Variants in ALDH2 observed in about 807,000 individuals in gnomAD.
ALDH2 encodes aldehyde dehydrogenase, mitochondrial.
A neutral mutation model predicts 59.6 loss-of-function variants in ALDH2; 44 were observed. The observed-to-expected ratio is 0.74, with a 90% CI of 0.58 to 0.95. The LOEUF (loss-of-function observed/expected upper bound fraction) is 0.95. Ranked by LOEUF, ALDH2 falls within the 40% of genes least tolerant of loss-of-function variation. ALDH2 has a pLI of 0.00. For missense variants in ALDH2, 570 were observed against 696.3 expected (o/e 0.82, Z 2.04); for synonymous variants, 291 against 284.0 (o/e 1.02, Z -0.25).
chr12:111,792,643 A>G lies in ALDH2; in HGVS notation c.944A>G (p.Gln315Arg), dbSNP rs2068370728. The change falls in exon 9 of 13, where the codon CAG (glutamine) becomes CGG (arginine). Residue 315 changes from glutamine to arginine, a missense_variant. Transcript: ENST00000261733. ...GCCCACTTCGCCCTGTTCTTCAACC[A>G]GGGCCAGTGCTGCTGTGCCGGCTCC... is the stretch of plus-strand genomic sequence containing the variant. Reference protein sequence around the residue: ...EQAHFALFFNQGQCCCAGSRT... With the variant: ...EQAHFALFFNRGQCCCAGSRT... 1.9e-6 allele frequency: 3 copies of G among 1,613,062 alleles called. No homozygotes were observed.
intron 12 of ALDH2, among the ~76,000 whole-genome samples, chr12:111,808,027 C>T (rs2068510912): frequency 6.6e-6 from 1 of 151,990 alleles, no homozygotes; most frequent in Non-Finnish European, 1.5e-5. Flanking sequence ...CAGGCGCCTG[C>T]CACCACACCT....
intron 4 of ALDH2, among the ~76,000 whole-genome samples, chr12:111,788,536 A>C (rs1160572859): frequency 1.3e-5 from 2 of 152,180 alleles, no homozygotes; most frequent in Non-Finnish European, 2.9e-5. Flanking sequence ...GCTTTCCTGA[A>C]TTTTGGCATT....
chr12:111,784,048 G>A (rs1379217267), intron 3 of ALDH2, among the ~76,000 whole-genome samples: 1 of 152,190 alleles, frequency 6.6e-6, no homozygotes, highest in African/African-American at 2.4e-5. Flanking sequence ...GATTATACAT[G>A]GCACTCTGCT....
intron 12 of ALDH2, among the ~76,000 whole-genome samples, chr12:111,807,979 C>T (rs1325528199): frequency 6.6e-6 from 1 of 151,616 alleles, no homozygotes; most frequent in Non-Finnish European, 1.5e-5. Flanking sequence ...CGGGCTCAAG[C>T]GATTCTCATG....
chr12:111,808,598 G>A (rs182625224), intron 12 of ALDH2, among the ~76,000 whole-genome samples: 151 of 152,148 alleles, frequency 9.9e-4, no homozygotes, highest in African/African-American at 3.2e-3. Context: ...CCACCTACTC[G>A]GGAGGCTGAG....
intron 1 of ALDH2, among the ~76,000 whole-genome samples, chr12:111,770,395 A>T (rs992604758): frequency 8.5e-5 from 13 of 152,278 alleles, no homozygotes; most frequent in African/African-American, 3.1e-4. Flanking sequence ...GGGGTGAGCT[A>T]GATTGTGGTA....
Position 111,792,140 on chromosome 12 carries a change from ACAT to A in ALDH2, c.882_884del (p.Ile294del). ...TTGGAGCTGGGGGGGAAGAGCCCCAACATCATCATGTCAGATGCCGATAGTGAG... is the reference window on the plus strand; with the variant it reads ...TTGGAGCTGGGGGGGAAGAGCCCCAACATCATGTCAGATGCCGATAGTGAG... On this transcript the variant is annotated inframe_deletion, in exon 8 of 13. Coordinates refer to ENST00000261733, the MANE Select transcript of ALDH2 (RefSeq NM_000690.4). 6.2e-7 allele frequency: 1 copy of A among 1,607,246 alleles called. No homozygotes were observed. Among genetic ancestry groups the A allele is most frequent in the Non-Finnish European group, 8.5e-7 (1 of 1,178,308 alleles).
intron 12 of ALDH2, among the ~76,000 whole-genome samples, chr12:111,807,211 C>T (rs1011506410): frequency 2.0e-5 from 3 of 151,530 alleles, no homozygotes; most frequent in Non-Finnish European, 2.9e-5. Context: ...TGCAGTGAGC[C>T]GAGATGGTGC....
chr12:111,808,503 G>C (rs1593090518), intron 12 of ALDH2, among the ~76,000 whole-genome samples: 1 of 152,000 alleles, frequency 6.6e-6, no homozygotes, highest in African/African-American at 2.4e-5. Flanking sequence ...TCAGGAGTTC[G>C]AGACCAGCCT....
In ALDH2 at chr12:111,783,316, C is replaced by T. The variant is rs942162264; in HGVS notation, c.360+18C>T. 6.3e-7 allele frequency: 1 copy of T among 1,589,296 alleles called. No homozygotes were observed. Among genetic ancestry groups the T allele is most frequent in the Non-Finnish European group, 8.6e-7 (1 of 1,163,688 alleles). ...ACCTGGCGGTGAGTCCTCAGCCCTT[C>T]TCCCCCTCAGATCCCATGTGGTGAA... On this transcript the variant is annotated intron_variant, in intron 3 of 12. Coordinates refer to ENST00000261733, the MANE Select transcript of ALDH2 (RefSeq NM_000690.4).
chr12:111,773,094 T>G (rs972982676), intron 1 of ALDH2, among the ~76,000 whole-genome samples: 1 of 144,914 alleles, frequency 6.9e-6, no homozygotes, highest in Non-Finnish European at 1.5e-5. Context: ...CTACTAAAAA[T>G]ACAAAAATTG....
rs1275543545 is a variant in ALDH2 at position 111,767,074 on chromosome 12, A to G, written c.92A>G (p.Gln31Arg). The change falls in exon 1 of 13, where the codon CAG becomes CGG. Residue 31 changes from glutamine (Q) to arginine (R), a missense_variant. Coordinates refer to ENST00000261733, the MANE Select transcript of ALDH2 (RefSeq NM_000690.4). ...ATQAVPAPNQ[Q>R]PEVFCNQIFI... is the part of the protein sequence containing the mutation. The stretch of plus-strand genomic sequence containing the variant: ...CAGGCCGTGCCTGCCCCCAACCAGC[A>G]GCCCGAGGTCTTCTGCAACCAGGTG... The G allele has an allele frequency of 1.3e-6, 2 of 1,525,590 alleles. No individual in the cohort carries two copies. The highest frequency in any genetic ancestry group is 4.0e-5 in the Admixed American group (2 of 49,786). The allele number at this position is 1,525,590 out of a possible 1,614,324, so 94.5% of individuals were successfully genotyped here.
rs188010264 is a variant in ALDH2, at chr12:111,806,223, G to C, written c.1521+2250G>C. Among the ~76,000 whole-genome samples, 750 of 146,590 alleles carry C rather than the reference G, an allele frequency of 5.1e-3. 11 individuals carry two copies. Among genetic ancestry groups the C allele is most frequent in the African/African-American group, 0.018 (713 of 38,868 alleles). On this transcript the variant is annotated intron_variant, in intron 12 of 12. Transcript: ENST00000261733. ...TCCCAGCTACTCAGGAGGCTGAGGC[G>C]GAAGAATGGCGTGAACCCAGTGGGT...
chr12:111,771,340 T>G (rs1348172540), intron 1 of ALDH2, among the ~76,000 whole-genome samples: 1 of 152,126 alleles, frequency 6.6e-6, no homozygotes, highest in African/African-American at 2.4e-5. Flanking sequence ...GAGGCTTCAG[T>G]GAGCTTTGAT....
rs1452178721 is a variant in ALDH2, at chr12:111,815,555, G to A, written c.*5980G>A. On this transcript the variant is annotated 3_prime_UTR_variant, in exon 13 of 13. Coordinates refer to ENST00000261733, the MANE Select transcript of ALDH2 (RefSeq NM_000690.4). ...CTTATGAGACAGCACCTGACCTACAGCCATCTATGACTCCTACTGTATCTT... is the reference window on the plus strand; with the variant it reads ...CTTATGAGACAGCACCTGACCTACAACCATCTATGACTCCTACTGTATCTT... 2.6e-5 allele frequency: 4 copies of A among 152,142 alleles called. No homozygotes were observed. Among genetic ancestry groups the A allele is most frequent in the Non-Finnish European group, 4.4e-5 (3 of 68,024 alleles). The allele number at this position is 152,142 out of a possible 1,614,324, so 9.4% of individuals were successfully genotyped here.
rs758493011 is a variant in ALDH2, at chr12:111,790,460, A to G, written c.579A>G (p.Ala193=). 18 of 1,614,136 alleles carry G rather than the reference A, an allele frequency of 1.1e-5. No homozygotes were observed. Among genetic ancestry groups the G allele is most frequent in the Non-Finnish European group, 1.5e-5 (18 of 1,180,018 alleles). ...IPWNFPLLMQ[A]WKLGPALATG... ...GGAATTTCCCGCTCCTGATGCAAGCATGGAAGCTGGGCCCAGCCTTGGCAA... is the reference window on the plus strand; with the variant it reads ...GGAATTTCCCGCTCCTGATGCAAGCGTGGAAGCTGGGCCCAGCCTTGGCAA... The change falls in exon 6 of 13, where the codon GCA becomes GCG. Residue 193 remains alanine (A), a synonymous_variant. Transcript: ENST00000261733.
At chr12:111,800,489 A>G (rs2068443175) in intron 11 of ALDH2, among the ~76,000 whole-genome samples, 1 of 152,120 alleles carries the variant, frequency 6.6e-6, no homozygotes, top group South Asian at 2.1e-4. Context: ...GTGGGGTGCG[A>G]TTATAGCTCA....
rs1319015007 is a variant in ALDH2, at chr12:111,785,361, T to C, written c.440+15T>C. 2 of 1,607,548 alleles carry C rather than the reference T, an allele frequency of 1.2e-6. No homozygotes were observed. Among genetic ancestry groups the C allele is most frequent in the Non-Finnish European group, 1.7e-6 (2 of 1,174,066 alleles). On this transcript the variant is annotated intron_variant, in intron 4 of 12. Coordinates refer to ENST00000261733, the MANE Select transcript of ALDH2 (RefSeq NM_000690.4). The stretch of plus-strand genomic sequence containing the variant: ...AAATGTCTCCGGTATGGGCTCAGCT[T>C]TCCTGTTCTTTGTTCTGGCAGGGGA...
intron 4 of ALDH2, among the ~76,000 whole-genome samples, chr12:111,786,965 G>A (rs1458729622): frequency 6.6e-6 from 1 of 152,166 alleles, no homozygotes; most frequent in Non-Finnish European, 1.5e-5. Context: ...AGCACTTTGG[G>A]AGGCTGAGGC....
Sources: gnomAD v4.1 joint callset for allele counts (sites outside exome capture counted in the v4.1 genomes callset) on GRCh38, gnomAD v4.1.1 for gene constraint, MANE v1.5 for transcripts, NCBI Gene and HGNC (gene_info 2026-07-23, HGNC 2026-07-21) for gene names.